The following KLF12 variants were observed in gnomAD, a reference collection of about 807,000 sequenced individuals.
The protein encoded by KLF12 is KLF transcription factor 12.
KLF12 carries 9 observed loss-of-function variants against 37.8 expected under a neutral mutation model. The ratio of observed to expected loss-of-function variants is 0.24; its 90% CI spans 0.14 to 0.42. KLF12 has a LOEUF of 0.42. Ranked by LOEUF, KLF12 falls within the 10% of genes least tolerant of loss-of-function variation. KLF12 has a pLI of 1.00. For synonymous variants in KLF12, 208 were observed against 202.1 expected (o/e 1.03, Z -0.25); for missense variants, 411 against 516.0 (o/e 0.80, Z 1.97).
chr13:74,051,721 T>C (rs529644317), intron 1 of KLF12, among the ~76,000 whole-genome samples: 3 of 151,860 alleles, frequency 2.0e-5, no homozygotes, highest in African/African-American at 7.2e-5. Context: ...GAAACAGAAG[T>C]AGGATCAAGT....
At chr13:74,200,193 G>C in the KLF12 span, among the ~76,000 whole-genome samples, 96 of 152,056 alleles carry the variant, frequency 6.3e-4, no homozygotes, top group African/African-American at 1.4e-3. Flanking sequence ...CTTGCTCAGG[G>C]GGGGGGTTTC....
chr13:73,951,797 C>T (rs1237863791), intron 2 of KLF12, among the ~76,000 whole-genome samples: 1 of 152,220 alleles, frequency 6.6e-6, no homozygotes, highest in Non-Finnish European at 1.5e-5. Context: ...GGACTATGTG[C>T]ATTCTATTCC....
At chr13:73,909,918 G>T (rs73524883) in intron 3 of KLF12, among the ~76,000 whole-genome samples, 7,417 of 151,856 alleles carry the variant, frequency 0.049, 422 homozygotes, top group African/African-American at 0.14. Flanking sequence ...CACCCTGTAC[G>T]TGTACATTTC....
chr13:73,915,552 G>A (rs1160820675), intron 3 of KLF12, among the ~76,000 whole-genome samples: 4 of 150,916 alleles, frequency 2.7e-5, no homozygotes, highest in Admixed American at 6.6e-5. Flanking sequence ...TCGCTCTGTC[G>A]CCCAGGCTGG....
At chr13:74,278,388 C>T in the KLF12 span, among the ~76,000 whole-genome samples, 14 of 152,116 alleles carry the variant, frequency 9.2e-5, no homozygotes, top group East Asian at 1.9e-4. Flanking sequence ...TGTTCATCAC[C>T]GACATGGCCC....
At chr13:74,243,197 C>T in the KLF12 span, among the ~76,000 whole-genome samples, 454 of 152,160 alleles carry the variant, frequency 3.0e-3, 3 homozygotes, top group African/African-American at 0.011. Context: ...TGAGTGAGAA[C>T]ATGCGGTGTT....
intron 1 of KLF12, among the ~76,000 whole-genome samples, chr13:74,031,161 C>T (rs1205868926): frequency 6.6e-6 from 1 of 152,098 alleles, no homozygotes. Context: ...CATCTTTTTG[C>T]TCTTTGGAAA....
rs528549795 is a variant in KLF12 at position 73,694,213 on chromosome 13, C to CA, written c.*1276dup. On this transcript the variant is annotated 3_prime_UTR_variant, in exon 8 of 8. Transcript: ENST00000377669. ...GATTCAGTTCCAAGGAGAACTGACC[C>CA]ATTAACCGAAGAGTTAATTCCCGGC... is the stretch of plus-strand genomic sequence containing the variant. 2 of 152,570 alleles carry CA rather than the reference C, an allele frequency of 1.3e-5. No homozygotes were observed. The highest frequency in any genetic ancestry group is 2.9e-5 in the Non-Finnish European group (2 of 68,028). 9.5% of individuals were successfully genotyped at this position (152,570 alleles called of 1,614,324 possible). A position where few individuals can be genotyped will look rare whatever the true frequency, so the allele number is the denominator to read the frequency against.
chr13:74,154,846 G>A, the KLF12 span, among the ~76,000 whole-genome samples: 1 of 152,124 alleles, frequency 6.6e-6, no homozygotes, highest in Non-Finnish European at 1.5e-5. Flanking sequence ...ATATCACTAT[G>A]GGTTCTCCGT....
chr13:74,181,231 C>G, the KLF12 span, among the ~76,000 whole-genome samples: 1 of 152,032 alleles, frequency 6.6e-6, no homozygotes, highest in East Asian at 2.0e-4. Context: ...AACTCCTGAC[C>G]TCGTGATCCA....
chr13:74,206,934 C>A, the KLF12 span, among the ~76,000 whole-genome samples: 1 of 152,150 alleles, frequency 6.6e-6, no homozygotes, highest in African/African-American at 2.4e-5. Flanking sequence ...TTGTCTAAGT[C>A]ATTGTCTAAG....
chr13:74,254,167 A>G, the KLF12 span, among the ~76,000 whole-genome samples: 2 of 152,078 alleles, frequency 1.3e-5, no homozygotes, highest in Non-Finnish European at 2.9e-5. Context: ...TGAGTGGATT[A>G]TTTTGTTTTT....
intron 3 of KLF12, among the ~76,000 whole-genome samples, chr13:73,935,539 TTC>T (rs1228755367): frequency 1.3e-5 from 2 of 152,104 alleles, no homozygotes; most frequent in African/African-American, 4.8e-5. Flanking sequence ...AATGAATGCG[TTC>T]TCACTCTGAG....
At chr13:74,302,184 T>C in the KLF12 span, among the ~76,000 whole-genome samples, 1 of 152,140 alleles carries the variant, frequency 6.6e-6, no homozygotes, top group East Asian at 1.9e-4. Flanking sequence ...GACCTCCAAG[T>C]TCTATACCAA....
chr13:73,846,892 T>TAG (rs1885057533), intron 3 of KLF12, among the ~76,000 whole-genome samples: 1 of 152,174 alleles, frequency 6.6e-6, no homozygotes, highest in East Asian at 1.9e-4. Flanking sequence ...TTTCTAATAA[T>TAG]TAGCTAACTC....
chr13:74,244,695 A>G, the KLF12 span, among the ~76,000 whole-genome samples: 1 of 152,190 alleles, frequency 6.6e-6, no homozygotes, highest in East Asian at 1.9e-4. Context: ...AAATGTATTT[A>G]TAGTATCCCT....
the KLF12 span, among the ~76,000 whole-genome samples, chr13:74,249,113 C>G: frequency 6.6e-6 from 1 of 151,872 alleles, no homozygotes; most frequent in Non-Finnish European, 1.5e-5. Context: ...CTGACAATTG[C>G]TGTGTGATAA....
chr13:74,086,579 A>G (rs1003178389), intron 1 of KLF12, among the ~76,000 whole-genome samples: 1 of 152,092 alleles, frequency 6.6e-6, no homozygotes, highest in Non-Finnish European at 1.5e-5. Context: ...GTTGATGATC[A>G]CTTGCTAGCA....
At chr13:73,895,486 C>A (rs998605320) in intron 3 of KLF12, among the ~76,000 whole-genome samples, 1 of 152,130 alleles carries the variant, frequency 6.6e-6, no homozygotes, top group African/African-American at 2.4e-5. Flanking sequence ...ATATTTAAGA[C>A]CTGAAACATT....
Sources: gnomAD v4.1 joint callset for allele counts (sites outside exome capture counted in the v4.1 genomes callset) on GRCh38, gnomAD v4.1.1 for gene constraint, MANE v1.5 for transcripts, NCBI Gene and HGNC (gene_info 2026-07-23, HGNC 2026-07-21) for gene names.